GPC1: variants seen among roughly 807,000 people sequenced by gnomAD.
GPC1 encodes the protein glypican-1.
A neutral mutation model predicts 51.5 loss-of-function variants in GPC1; 26 were observed. The ratio of observed to expected loss-of-function variants is 0.50; its 90% confidence interval spans 0.37 to 0.70. The LOEUF is 0.70. Among genes scored for constraint, GPC1 ranks in the 30% least tolerant of loss-of-function variants. GPC1 has a pLI of 0.00. For missense variants in GPC1, 775 were observed against 800.5 expected (o/e 0.97, Z 0.38); for synonymous variants, 380 against 348.3 (o/e 1.09, Z -1.01).
chr2:240,465,159 C>T lies in GPC1; in HGVS notation c.1217C>T (p.Ala406Val), dbSNP rs1395080386. The change falls in exon 7 of 9, where the codon GCC (alanine) becomes GTC (valine). Residue 406 changes from alanine to valine, a missense_variant. By Grantham distance (64) the Ala-to-Val change is moderately conservative. Coordinates refer to ENST00000264039, the MANE Select transcript of GPC1 (RefSeq NM_002081.3). ...LPGTLCSEKM[A>V]LSTASDDRCW... ...GGGACACTGTGCAGTGAGAAGATGG[C>T]CCTGAGCACTGCCAGTGATGACCGC... 1.2e-6 allele frequency: 2 copies of T among 1,612,274 alleles called. No homozygotes were observed. The highest frequency in any genetic ancestry group is 1.7e-6 in the Non-Finnish European group (2 of 1,179,694).
intron 1 of GPC1, among the ~76,000 whole-genome samples, chr2:240,457,812 G>C (rs2151794621): frequency 6.6e-6 from 1 of 152,278 alleles, no homozygotes; most frequent in African/African-American, 2.4e-5. Context: ...AGGACCTGCT[G>C]CATTCCAGCC....
In GPC1 at chr2:240,466,565, G is replaced by C; in HGVS notation, c.*275G>C. Reference sequence around the variant, plus strand: ...CCTCAGGGGCACCTCCGGCTGCCTAGCCCTCCCCCCAGCTCCCTGCACCGC... The same window carrying C: ...CCTCAGGGGCACCTCCGGCTGCCTACCCCTCCCCCCAGCTCCCTGCACCGC... On this transcript the variant is annotated 3_prime_UTR_variant, in exon 9 of 9. Coordinates refer to ENST00000264039, the MANE Select transcript of GPC1 (RefSeq NM_002081.3). The C allele has an allele frequency of 1.4e-5, 7 of 484,378 alleles. No homozygotes were observed. The highest frequency in any genetic ancestry group is 2.6e-5 in the Non-Finnish European group (7 of 272,446). The allele number at this position is 484,378 out of a possible 1,614,324, so 30.0% of individuals were successfully genotyped here. A position where few individuals can be genotyped will look rare whatever the true frequency, so the allele number is the denominator to read the frequency against.
chr2:240,459,937 G>A (rs193145485), intron 2 of GPC1, among the ~76,000 whole-genome samples: 2 of 152,134 alleles, frequency 1.3e-5, no homozygotes, highest in Non-Finnish European at 1.5e-5. Context: ...GTGTCCGGGC[G>A]GAGCCAGGGC....
chr2:240,465,842 G>C (rs564941851), intron 8 of GPC1, among the ~76,000 whole-genome samples, 194 bp downstream of exon 8: 1 of 152,196 alleles, frequency 6.6e-6, no homozygotes, highest in Non-Finnish European at 1.5e-5. Flanking sequence ...AGGCCTGGCC[G>C]GGATGTCTGT....
chr2:240,462,732 T>C (rs909793306), intron 3 of GPC1, 150 bp downstream of exon 3: 5 of 680,636 alleles, frequency 7.3e-6, no homozygotes, highest in African/African-American at 5.4e-5. Flanking sequence ...CCCTCCTGCA[T>C]TGGCTGCTGC....
At chr2:240,463,678 G>C (rs746361641) in intron 4 of GPC1, 166 bp downstream of exon 4, 2 of 614,658 alleles carry the variant, frequency 3.3e-6, no homozygotes, top group Non-Finnish European at 5.7e-6. Flanking sequence ...GAGGGGCCAG[G>C]GTGCCTTTTG....
In GPC1 at chr2:240,455,093, G is replaced by C. The variant is rs541648465; in HGVS notation, c.167-3937G>C. On this transcript the variant is annotated intron_variant, in intron 1 of 8. Coordinates refer to ENST00000264039, the MANE Select transcript of GPC1 (RefSeq NM_002081.3). ...GGGGTGGTCCAGAACCGTCAGGATCGGGAGGGGGAAGATGGAACGAGACAG... is the reference window on the plus strand; with the variant it reads ...GGGGTGGTCCAGAACCGTCAGGATCCGGAGGGGGAAGATGGAACGAGACAG... 5.1e-4 allele frequency: 86 copies of C among 167,664 alleles called. No individual in the cohort carries two copies. In the Middle Eastern group the frequency reaches 5.6e-3, roughly 11 times the overall value. 10.4% of individuals were successfully genotyped at this position (167,664 alleles called of 1,614,324 possible).
In GPC1 at chr2:240,447,430, G is replaced by T. The variant is rs145488974; in HGVS notation, c.166+11346G>T. Among the ~76,000 whole-genome samples the T allele has an allele frequency of 5.3e-3, 813 of 152,302 alleles. 2 individuals carry two copies. Among genetic ancestry groups the T allele is most frequent in the African/African-American group, 0.015 (612 of 41,566 alleles). ...GGTGTGGCAGGGCTGCTCTGAGGCCGGCGTGGAGCCGGCGGATGGAGGGGG... is the reference window on the plus strand; with the variant it reads ...GGTGTGGCAGGGCTGCTCTGAGGCCTGCGTGGAGCCGGCGGATGGAGGGGG... On this transcript the variant is annotated intron_variant, in intron 1 of 8. Transcript: ENST00000264039.
At chr2:240,463,662 A>G (rs1197032121) in intron 4 of GPC1, 150 bp downstream of exon 4, 3 of 644,852 alleles carry the variant, frequency 4.7e-6, no homozygotes, top group African/African-American at 3.7e-5. Flanking sequence ...GTGGTGCTGC[A>G]GGGTTGAGGG....
intron 1 of GPC1, chr2:240,455,914 C>CG (rs1464420416): frequency 3.1e-6 from 1 of 324,632 alleles, no homozygotes; most frequent in Admixed American, 4.4e-5. Flanking sequence ...CAGCCTGCAG[C>CG]GGGCCTCAGG....
rs1394707163 is a variant in GPC1 at position 240,435,926 on chromosome 2, T to C, written c.8T>C (p.Leu3Pro). 4 of 1,256,866 alleles carry C rather than the reference T, an allele frequency of 3.2e-6. No homozygotes were observed. Among genetic ancestry groups the C allele is most frequent in the Admixed American group, 4.2e-5 (1 of 23,594 alleles). 77.9% of individuals were successfully genotyped at this position (1,256,866 alleles called of 1,614,324 possible). ...GGCGCCGCCGGCCCCGCCATGGAGCTCCGGGCCCGAGGCTGGTGGCTGCTA... is the reference window on the plus strand; with the variant it reads ...GGCGCCGCCGGCCCCGCCATGGAGCCCCGGGCCCGAGGCTGGTGGCTGCTA... ME[L>P]RARGWWLLCA... The change falls in exon 1 of 9, where the codon CTC becomes CCC. Residue 3 changes from leucine (L) to proline (P), a missense_variant. Coordinates refer to ENST00000264039, the MANE Select transcript of GPC1 (RefSeq NM_002081.3).
At chr2:240,465,775 A>G in intron 8 of GPC1, 127 bp downstream of exon 8, 1 of 799,900 alleles carries the variant, frequency 1.3e-6, no homozygotes, top group Middle Eastern at 3.5e-4. Context: ...AGTGAGTCTG[A>G]GGACGCTGTG....
intron 1 of GPC1, among the ~76,000 whole-genome samples, chr2:240,439,958 G>A (rs1243906821): frequency 6.6e-6 from 1 of 152,214 alleles, no homozygotes; most frequent in Non-Finnish European, 1.5e-5. Context: ...CTGCTGGACC[G>A]CCAAGCCTCC....
intron 1 of GPC1, chr2:240,458,598 GC>G (rs1325026380): frequency 1.7e-5 from 3 of 177,376 alleles, no homozygotes; most frequent in African/African-American, 7.1e-5. Context: ...GCCCCCCAGG[GC>G]TGGTGTGGGA....
chr2:240,455,381 C>A (rs1288808553), intron 1 of GPC1, among the ~76,000 whole-genome samples: 1 of 152,122 alleles, frequency 6.6e-6, no homozygotes. Flanking sequence ...CCTGGCCCAG[C>A]GGGGAGCAGG....
intron 1 of GPC1, chr2:240,457,823 A>G: frequency 3.0e-6 from 1 of 328,010 alleles, no homozygotes. Flanking sequence ...CATTCCAGCC[A>G]CCCTGGCCCA....
chr2:240,439,470 G>A (rs1177488544), intron 1 of GPC1, among the ~76,000 whole-genome samples: 3 of 152,204 alleles, frequency 2.0e-5, no homozygotes, highest in Non-Finnish European at 4.4e-5. Context: ...GCCCAGAGTG[G>A]CAGCCCGCCT....
At chr2:240,465,420 G>T in intron 7 of GPC1, 53 bp from the exon 8 acceptor site, 1 of 1,540,252 alleles carries the variant, frequency 6.5e-7, no homozygotes, top group Non-Finnish European at 8.9e-7. Flanking sequence ...TCAGGTGATG[G>T]CCCTTTGCAG....
rs2074244639 is a variant in GPC1, at chr2:240,464,620, C to T, written c.888C>T (p.Ser296=). The T allele has an allele frequency of 6.2e-7, 1 of 1,610,442 alleles. No individual in the cohort carries two copies. The highest frequency in any genetic ancestry group is 2.2e-5 in the East Asian group (1 of 44,826). The change falls in exon 5 of 9, where the codon TCC becomes TCT. Residue 296 remains serine (S), a synonymous_variant. Transcript: ENST00000264039. ...LDAEWRNLLD[S]MVLITDKFWG... is the part of the protein sequence containing the mutation. ...GCGTGTTAACGCCTGTCCTAGACTC[C>T]ATGGTGCTCATCACCGACAAGTTCT...
Sources: gnomAD v4.1 joint callset for allele counts (sites outside exome capture counted in the v4.1 genomes callset) on GRCh38, gnomAD v4.1.1 for gene constraint, MANE v1.5 for transcripts, NCBI Gene and HGNC (gene_info 2026-07-23, HGNC 2026-07-21) for gene names.